Variants in CEP57L1 observed in about 807,000 individuals in gnomAD.
The protein encoded by CEP57L1 is centrosomal protein 57 like 1.
Under a neutral mutation model 61.0 loss-of-function variants are expected in CEP57L1, and 37 were observed. The ratio of observed to expected loss-of-function variants is 0.61; its 90% CI spans 0.47 to 0.80. CEP57L1 has a LOEUF of 0.80. Among genes scored for constraint, CEP57L1 ranks in the 30% least tolerant of loss-of-function variants. The pLI is 0.00. For synonymous variants in CEP57L1, 137 were observed against 162.3 expected (o/e 0.84, Z 1.19); for missense variants, 422 against 524.7 (o/e 0.80, Z 1.91).
At position 109,113,962 on chromosome 6, in the gene CEP57L1, C is replaced by G. The variant is rs1017559274; in HGVS notation, c.-4+18387C>G. On this transcript the variant is annotated intron_variant, in intron 1 of 10. Transcript: ENST00000517392. The stretch of plus-strand genomic sequence containing the variant: ...AAATCCATTCATCTGTAAATGGACA[C>G]TTAGGTTGTTTGTATATATTTCTTG... 2.6e-5 allele frequency among the ~76,000 whole-genome samples: 4 copies of G among 152,154 alleles called. No individual in the cohort carries two copies. The South Asian group carries it at 8.3e-4, about 32-fold the overall frequency.
chr6:109,139,240 G>A (rs761881299), intron 1 of CEP57L1, among the ~76,000 whole-genome samples: 10 of 152,168 alleles, frequency 6.6e-5, no homozygotes, highest in African/African-American at 1.2e-4. Context: ...GACAGTGTGA[G>A]ATTTCATCAT....
At chr6:109,097,100 A>G (rs569148960) in intron 1 of CEP57L1, among the ~76,000 whole-genome samples, 1 of 152,340 alleles carries the variant, frequency 6.6e-6, no homozygotes, top group South Asian at 2.1e-4. Context: ...GGACACTACT[A>G]TCCATCTACT....
chr6:109,111,120 A>G (rs574757219), intron 1 of CEP57L1, among the ~76,000 whole-genome samples: 199 of 152,250 alleles, frequency 1.3e-3, no homozygotes, highest in African/African-American at 4.5e-3. Context: ...TTCGGGCAGT[A>G]TGGCCATTTT....
At chr6:109,136,905 G>A (rs530036160) in intron 1 of CEP57L1, among the ~76,000 whole-genome samples, 4 of 151,926 alleles carry the variant, frequency 2.6e-5, no homozygotes, top group Admixed American at 1.3e-4. Flanking sequence ...ACAGATGTGC[G>A]CCACTGCGCC....
intron 1 of CEP57L1, among the ~76,000 whole-genome samples, chr6:109,134,625 C>T (rs943547130): frequency 3.9e-5 from 6 of 152,172 alleles, no homozygotes; most frequent in Non-Finnish European, 8.8e-5. Flanking sequence ...ATCAAATTGT[C>T]CCTGTTTGCA....
At chr6:109,141,241 A>G (rs1445382361) in intron 1 of CEP57L1, among the ~76,000 whole-genome samples, 3 of 152,040 alleles carry the variant, frequency 2.0e-5, no homozygotes, top group African/African-American at 7.2e-5. Flanking sequence ...TTTGAGACAC[A>G]GTCTCACATT....
intron 4 of CEP57L1, among the ~76,000 whole-genome samples, 190 bp from the exon 5 acceptor site, chr6:109,153,643 A>C (rs1294648095): frequency 6.6e-6 from 1 of 152,176 alleles, no homozygotes; most frequent in Non-Finnish European, 1.5e-5. Context: ...GGTTGAAAAA[A>C]ATAAATAACA....
intron 1 of CEP57L1, among the ~76,000 whole-genome samples, chr6:109,103,003 T>G (rs977606141): frequency 2.6e-5 from 4 of 152,218 alleles, no homozygotes; most frequent in South Asian, 2.1e-4. Context: ...AAGAATATTA[T>G]TCTCCAATTG....
Position 109,161,876 on chromosome 6 carries a change from A to G in CEP57L1, c.1162-873A>G, listed in dbSNP as rs191103596. Among the ~76,000 whole-genome samples, 49 of 152,230 alleles carry G rather than the reference A, an allele frequency of 3.2e-4. 1 individual carries two copies. Among genetic ancestry groups the G allele is most frequent in the African/African-American group, 1.1e-3 (47 of 41,576 alleles). On this transcript the variant is annotated intron_variant, in intron 10 of 10. Coordinates refer to ENST00000517392, the MANE Select transcript of CEP57L1 (RefSeq NM_001271852.3). ...AATGTAATATCTGTAATAAAAATTG[A>G]CTGTTAGCCAAATAGAGAACTAGGT...
chr6:109,146,682 A>G, intron 2 of CEP57L1, 76 bp from the exon 3 acceptor site: 2 of 1,017,558 alleles, frequency 2.0e-6, no homozygotes, highest in Non-Finnish European at 2.8e-6. Flanking sequence ...TATACTGCTT[A>G]TTTTTCTTAT....
Position 109,171,067 on chromosome 6 carries a change from T to C in CEP57L1, c.*8097T>C, listed in dbSNP as rs1170256462. Among the ~76,000 whole-genome samples, 1 of 152,024 alleles carries C rather than the reference T, an allele frequency of 6.6e-6. No homozygotes were observed. The highest frequency in any genetic ancestry group is 1.5e-5 in the Non-Finnish European group (1 of 68,026). On this transcript the variant is annotated 3_prime_UTR_variant, in exon 11 of 11. Coordinates refer to ENST00000517392, the MANE Select transcript of CEP57L1 (RefSeq NM_001271852.3). Reference sequence around the variant, plus strand: ...TTCTTGATTCTCTCAAGGTATGATTTAAATGGTGGACACTTAAGCCAAAAT... The same window carrying C: ...TTCTTGATTCTCTCAAGGTATGATTCAAATGGTGGACACTTAAGCCAAAAT...
Position 109,160,585 on chromosome 6 carries a change from C to T in CEP57L1, c.1030C>T (p.Leu344=). The change falls in exon 10 of 11, where the codon CTA becomes TTA. Residue 344 remains leucine (L), a synonymous_variant. Transcript: ENST00000517392. ...LDQMSMEHQE[L]LKQMKETESH... is the part of the protein sequence containing the mutation. ...ATTCTTTCATAGGGAGCACCAAGAACTACTGAAACAAATGAAGGAAACTGA... is the reference window on the plus strand; with the variant it reads ...ATTCTTTCATAGGGAGCACCAAGAATTACTGAAACAAATGAAGGAAACTGA... 1 of 1,605,856 alleles carries T rather than the reference C, an allele frequency of 6.2e-7. No homozygotes were observed. The highest frequency in any genetic ancestry group is 1.3e-5 in the African/African-American group (1 of 74,464).
At chr6:109,156,030 G>A (rs1773184923) in intron 7 of CEP57L1, 153 bp downstream of exon 7, 1 of 476,128 alleles carries the variant, frequency 2.1e-6, no homozygotes, top group Non-Finnish European at 3.8e-6. Context: ...ATGATGGTTT[G>A]GGGTATAAGG....
intron 6 of CEP57L1, among the ~76,000 whole-genome samples, 184 bp from the exon 7 acceptor site, chr6:109,155,605 CAG>C (rs1773137417): frequency 1.3e-5 from 2 of 151,802 alleles, no homozygotes; most frequent in Non-Finnish European, 2.9e-5. Flanking sequence ...CTTTTATAAA[CAG>C]AAAATTATTG....
chr6:109,159,769 T>G (rs553480625), intron 9 of CEP57L1, among the ~76,000 whole-genome samples: 1 of 152,326 alleles, frequency 6.6e-6, no homozygotes, highest in South Asian at 2.1e-4. Context: ...TTTCAATTCT[T>G]TATAGCTACT....
At chr6:109,160,753 C>G (rs772610993) in intron 10 of CEP57L1, 37 bp downstream of exon 10, 2 of 1,558,878 alleles carry the variant, frequency 1.3e-6, no homozygotes, top group South Asian at 2.4e-5. Context: ...AATAAAAACA[C>G]AAAATATCTG....
At chr6:109,153,719 A>T in intron 4 of CEP57L1, 114 bp from the exon 5 acceptor site, 2 of 715,348 alleles carry the variant, frequency 2.8e-6, no homozygotes, top group South Asian at 1.7e-5. Context: ...GTTTATGTAC[A>T]TGTTTCTTAA....
Position 109,163,793 on chromosome 6 carries a change from C to G in CEP57L1, c.*823C>G, listed in dbSNP as rs926589700. 1.3e-5 allele frequency: 2 copies of G among 151,984 alleles called. No individual in the cohort carries two copies. The highest frequency in any genetic ancestry group is 2.9e-5 in the Non-Finnish European group (2 of 67,992). 9.4% of individuals were successfully genotyped at this position (151,984 alleles called of 1,614,324 possible). ...AAGCTGGGCATTAAATTACCTCATC[C>G]AGCAGAAATTCACGGTAGTATGGTA... On this transcript the variant is annotated 3_prime_UTR_variant, in exon 11 of 11. Transcript: ENST00000517392.
At chr6:109,111,019 G>C (rs1771546143) in intron 1 of CEP57L1, among the ~76,000 whole-genome samples, 1 of 152,018 alleles carries the variant, frequency 6.6e-6, no homozygotes, top group Non-Finnish European at 1.5e-5. Context: ...GCTCTTTTTT[G>C]GTTCCATTTG....
Sources: allele counts gnomAD v4.1 joint callset (sites outside exome capture counted in the v4.1 genomes callset), GRCh38; gene constraint gnomAD v4.1.1; transcripts MANE v1.5; gene names NCBI Gene and HGNC (gene_info 2026-07-23, HGNC 2026-07-21).